ZFHX2: variants seen among roughly 807,000 people sequenced by gnomAD.
The protein encoded by ZFHX2 is zinc finger homeobox protein 2.
In ZFHX2, 75 loss-of-function variants were observed where a neutral mutation model predicts 164.8. That is an observed-to-expected ratio of 0.46 (90% CI 0.38 to 0.55). ZFHX2 has a LOEUF of 0.55. Among genes scored for constraint, ZFHX2 ranks in the 20% least tolerant of loss-of-function variants. The probability of loss-of-function intolerance (pLI) is 0.00; values close to 1 mark genes in which losing one functional copy is unlikely to be tolerated. For synonymous variants in ZFHX2, 1,217 were observed against 1,351.4 expected (o/e 0.90, Z 2.18); for missense variants, 2,933 against 3,308.0 (o/e 0.89, Z 2.78).
chr14:23,544,444 T>C (rs972876926), intron 1 of ZFHX2, among the ~76,000 whole-genome samples: 3 of 152,216 alleles, frequency 2.0e-5, no homozygotes, highest in African/African-American at 7.2e-5. Flanking sequence ...TGTTGTTTTT[T>C]GATTGTATGT....
intron 6 of ZFHX2, among the ~76,000 whole-genome samples, chr14:23,528,005 C>A (rs1286274414): frequency 6.7e-6 from 1 of 149,678 alleles, no homozygotes; most frequent in Non-Finnish European, 1.5e-5. Flanking sequence ...CTTCCAGGTT[C>A]AAGCAATTCT....
rs1595139477 is a variant in ZFHX2 at position 23,525,664 on chromosome 14, T to G, written c.4278A>C (p.Ser1426=). ...AKEGNEAGPS[S]PPDPLPNEAA... ...CCTCGTTGGGCAATGGGTCGGGGGGTGAGGAAGGCCCTGCCTCATTACCCT... is the reference window on the plus strand; with the variant it reads ...CCTCGTTGGGCAATGGGTCGGGGGGGGAGGAAGGCCCTGCCTCATTACCCT... The change falls in exon 9 of 10, where the codon TCA becomes TCC. Residue 1426 remains serine (S), a synonymous_variant. Coordinates refer to ENST00000419474, the MANE Select transcript of ZFHX2 (RefSeq NM_033400.3). This position sits in a 1 kb window ranked among gnomAD's most constrained non-coding sequence, Gnocchi z 5.9. The G allele has an allele frequency of 6.5e-7, 1 of 1,533,300 alleles. No individual in the cohort carries two copies. Among genetic ancestry groups the G allele is most frequent in the African/African-American group, 1.4e-5 (1 of 72,396 alleles). 95.0% of individuals were successfully genotyped at this position (1,533,300 alleles called of 1,614,324 possible).
At chr14:23,531,423 C>T (rs899701188) in intron 4 of ZFHX2, 58 bp downstream of exon 4, 25 of 1,352,240 alleles carry the variant, frequency 1.8e-5, no homozygotes, top group Admixed American at 3.2e-5. Context: ...CCCCCCTGCT[C>T]CCCACATCCT....
chr14:23,531,347 T>A (rs2138760258), intron 4 of ZFHX2, 134 bp downstream of exon 4: 2 of 1,253,940 alleles, frequency 1.6e-6, no homozygotes, highest in East Asian at 5.9e-5. Flanking sequence ...CCTTCGCAGC[T>A]TCTTCCCATT....
upstream of ZFHX2, among the ~76,000 whole-genome samples, chr14:23,553,757 G>T (rs1264677198): frequency 1.3e-5 from 2 of 152,106 alleles, no homozygotes; most frequent in Non-Finnish European, 2.9e-5. Context: ...AGCCGGGCAT[G>T]GTGGTGGGCA....
At position 23,522,611 on chromosome 14, in the gene ZFHX2, G is replaced by A; in HGVS notation, c.7070C>T (p.Ala2357Val). The A allele has an allele frequency of 3.3e-6, 5 of 1,532,422 alleles. No homozygotes were observed. The highest frequency in any genetic ancestry group is 3.5e-6 in the Non-Finnish European group (4 of 1,144,348). The allele number at this position is 1,532,422 out of a possible 1,614,324, so 94.9% of individuals were successfully genotyped here. A position where few individuals can be genotyped will look rare whatever the true frequency, so the allele number is the denominator to read the frequency against. The change falls in exon 10 of 10, where the codon GCA becomes GTA. Residue 2357 changes from alanine to valine, a missense_variant. Ala to Val is a moderately conservative substitution (Grantham distance 64). Coordinates refer to ENST00000419474, the MANE Select transcript of ZFHX2 (RefSeq NM_033400.3). ...CTGGGGGCCAAAGACAGCTGGCGGTGCTGTTCCCCCAGCAGGGGGCAATGG... is the reference window on the plus strand; with the variant it reads ...CTGGGGGCCAAAGACAGCTGGCGGTACTGTTCCCCCAGCAGGGGGCAATGG... ...PFPLPPAGGT[A>V]PPAVFGPQLQ... is the part of the protein sequence containing the mutation.
At chr14:23,555,149 G>A (rs1882258034), upstream of ZFHX2, among the ~76,000 whole-genome samples, 1 of 151,970 alleles carries the variant, frequency 6.6e-6, no homozygotes, top group African/African-American at 2.4e-5. Flanking sequence ...CACCATGCCC[G>A]GCTCATTTTT....
At position 23,535,073 on chromosome 14, in the gene ZFHX2, A is replaced by C. The variant is rs1879999305; in HGVS notation, c.253T>G (p.Phe85Val). The C allele has an allele frequency of 6.5e-7, 1 of 1,536,202 alleles. No individual in the cohort carries two copies. The highest frequency in any genetic ancestry group is 8.7e-7 in the Non-Finnish European group (1 of 1,146,896). The change falls in exon 2 of 10, where the codon TTC (phenylalanine) becomes GTC (valine). Residue 85 changes from phenylalanine (F) to valine (V), a missense_variant. Phe to Val is a conservative substitution (Grantham distance 50). Coordinates refer to ENST00000419474, the MANE Select transcript of ZFHX2 (RefSeq NM_033400.3). This position sits in a 1 kb window ranked among gnomAD's most constrained non-coding sequence, Gnocchi z 4.5. Reference sequence around the variant, plus strand: ...TCCACCCCTGGGTCATTTGGTGGGAAGTGACCACAGTCAGGCCCTTCCTGG... The same window carrying C: ...TCCACCCCTGGGTCATTTGGTGGGACGTGACCACAGTCAGGCCCTTCCTGG... Reference protein sequence around the residue: ...EPQEGPDCGHFPPNDPGVEKD... With the variant: ...EPQEGPDCGHVPPNDPGVEKD...
At position 23,533,678 on chromosome 14, in the gene ZFHX2, G is replaced by A. The variant is rs3742489; in HGVS notation, c.1648C>T (p.Pro550Ser). Residue 550 changes from proline to serine, a missense_variant, in exon 2 of 10, where the codon CCA becomes TCA. Transcript: ENST00000419474. The surrounding 1 kb of genome is among the most constrained non-coding windows in gnomAD (Gnocchi z 4.8). ...QAGPGGQGSP[P>S]EASLPPSAGD... is the part of the protein sequence containing the mutation. ...GCGGAGGGTGGGAGTGATGCCTCTG[G>A]TGGACTTCCCTGCCCACCAGGGCCC... 2 of 1,538,182 alleles carry A rather than the reference G, an allele frequency of 1.3e-6. No homozygotes were observed. Among genetic ancestry groups the A allele is most frequent in the East Asian group, 2.4e-5 (1 of 40,964 alleles).
In ZFHX2 at chr14:23,522,541, C is replaced by A. The variant is rs758290878; in HGVS notation, c.7140G>T (p.Gly2380=). 1 of 1,527,088 alleles carries A rather than the reference C, an allele frequency of 6.5e-7. No homozygotes were observed. Among genetic ancestry groups the A allele is most frequent in the Admixed American group, 2.0e-5 (1 of 50,184 alleles). The allele number at this position is 1,527,088 out of a possible 1,614,324, so 94.6% of individuals were successfully genotyped here. The change falls in exon 10 of 10, where the codon GGG becomes GGT. Residue 2380 remains glycine (G), a synonymous_variant. Transcript: ENST00000419474. ...YFQQLYGMKK[G]LFPMNPMIPQ... The stretch of plus-strand genomic sequence containing the variant: ...GTATCATGGGGTTCATGGGAAATAG[C>A]CCCTTCTTCATGCCATAGAGCTGTT...
At chr14:23,549,037 A>G (rs931036837) in intron 1 of ZFHX2, among the ~76,000 whole-genome samples, 2 of 151,680 alleles carry the variant, frequency 1.3e-5, no homozygotes, top group Admixed American at 1.3e-4. Context: ...CTCTCTTCCC[A>G]TCTCATCTTG....
Position 23,524,361 on chromosome 14 carries a change from G to T in ZFHX2, c.5581C>A (p.Arg1861Ser). Reference sequence around the variant, plus strand: ...AGCTGCTCAGGCAAGATGGTGGTGCGCAGGCGCTTGTCCCTGGGGGGCTCG... The same window carrying T: ...AGCTGCTCAGGCAAGATGGTGGTGCTCAGGCGCTTGTCCCTGGGGGGCTCG... ...EGEPPRDKRLRTTILPEQLEI... is the reference protein window; with the variant it reads ...EGEPPRDKRLSTTILPEQLEI... Residue 1861 changes from arginine (R) to serine (S), a missense_variant, in exon 9 of 10, where the codon CGC becomes AGC. Arg to Ser is a moderately radical substitution (Grantham distance 110). Transcript: ENST00000419474. This position sits in a 1 kb window ranked among gnomAD's most constrained non-coding sequence, Gnocchi z 5.6. 6.5e-7 allele frequency: 1 copy of T among 1,536,246 alleles called. No individual in the cohort carries two copies. Among genetic ancestry groups the T allele is most frequent in the Non-Finnish European group, 8.7e-7 (1 of 1,146,928 alleles).
At chr14:23,553,749 C>T (rs1882141710), upstream of ZFHX2, among the ~76,000 whole-genome samples, 1 of 151,992 alleles carries the variant, frequency 6.6e-6, no homozygotes, top group African/African-American at 2.4e-5. Context: ...AAAAAATTAG[C>T]CGGGCATGGT....
In ZFHX2 at chr14:23,534,071, A is replaced by AG; in HGVS notation, c.1254dup (p.Tyr419LeufsTer5). 6.6e-7 allele frequency: 1 copy of AG among 1,519,482 alleles called. No homozygotes were observed. The highest frequency in any genetic ancestry group is 8.8e-7 in the Non-Finnish European group (1 of 1,136,938). 94.1% of individuals were successfully genotyped at this position (1,519,482 alleles called of 1,614,324 possible). A position where few individuals can be genotyped will look rare whatever the true frequency, so the allele number is the denominator to read the frequency against. On this transcript the variant is annotated frameshift_variant, in exon 2 of 10. Coordinates refer to ENST00000419474, the MANE Select transcript of ZFHX2 (RefSeq NM_033400.3). LOFTEE classifies it high-confidence loss of function. This position sits in a 1 kb window ranked among gnomAD's most constrained non-coding sequence, Gnocchi z 4.5. The stretch of plus-strand genomic sequence containing the variant: ...GGGGTGTAGTCATCAGCTAGGCGAT[A>AG]GGGCTGGGGTGGGTCACTGGGGTCT...
chr14:23,528,184 C>T (rs1277351586), intron 6 of ZFHX2, among the ~76,000 whole-genome samples: 2 of 152,216 alleles, frequency 1.3e-5, no homozygotes, highest in Non-Finnish European at 2.9e-5. Context: ...GCTGGGATTA[C>T]AGGCGTGAGC....
intron 1 of ZFHX2, among the ~76,000 whole-genome samples, chr14:23,536,422 G>A (rs994704177): frequency 5.3e-5 from 8 of 152,166 alleles, no homozygotes; most frequent in Admixed American, 3.9e-4. Context: ...TCTCTCCAAT[G>A]CCTTCCAGAT....
rs753836694 is a variant in ZFHX2 at position 23,524,291 on chromosome 14, C to T, written c.5651G>A (p.Arg1884His). The T allele has an allele frequency of 1.7e-5, 26 of 1,536,200 alleles. 1 individual carries two copies. In the South Asian group the frequency reaches 3.0e-4, roughly 18 times the overall value. Residue 1884 changes from arginine (R) to histidine (H), a missense_variant, in exon 9 of 10, where the codon CGC becomes CAC. Coordinates refer to ENST00000419474, the MANE Select transcript of ZFHX2 (RefSeq NM_033400.3). This position sits in a 1 kb window ranked among gnomAD's most constrained non-coding sequence, Gnocchi z 5.6. ...RWYMQDSNPT[R>H]KMLDCISEEV... ...CTCGGAGATGCAGTCGAGCATCTTG[C>T]GTGTTGGGTTGGAATCCTGCATGTA...
chr14:23,536,336 C>T (rs770594080), intron 1 of ZFHX2, among the ~76,000 whole-genome samples: 2 of 152,124 alleles, frequency 1.3e-5, no homozygotes, highest in South Asian at 2.1e-4. Flanking sequence ...TTTTCCATAC[C>T]CTGACGAGGT....
chr14:23,524,982 C>A lies in ZFHX2; in HGVS notation c.4960G>T (p.Ala1654Ser). 6.5e-7 allele frequency: 1 copy of A among 1,536,244 alleles called. No homozygotes were observed. Among genetic ancestry groups the A allele is most frequent in the Non-Finnish European group, 8.7e-7 (1 of 1,146,928 alleles). The change falls in exon 9 of 10, where the codon GCC becomes TCC. Residue 1654 changes from alanine (A) to serine (S), a missense_variant. Physicochemically the swap from Ala to Ser is moderately conservative, Grantham distance 99. Transcript: ENST00000419474. This position sits in a 1 kb window ranked among gnomAD's most constrained non-coding sequence, Gnocchi z 5.6. ...QNARQKARKNACEGGSMPTGG... is the reference protein window; with the variant it reads ...QNARQKARKNSCEGGSMPTGG... Reference sequence around the variant, plus strand: ...GTTGGCATGGACCCACCCTCACAGGCATTTTTGCGTGCTTTCTGGCGGGCA... The same window carrying A: ...GTTGGCATGGACCCACCCTCACAGGAATTTTTGCGTGCTTTCTGGCGGGCA...
Sources: allele counts gnomAD v4.1 joint callset (sites outside exome capture counted in the v4.1 genomes callset), GRCh38; gene constraint gnomAD v4.1.1; non-coding constraint Gnocchi (gnomAD v3.1); transcripts MANE v1.5; gene names NCBI Gene and HGNC (gene_info 2026-07-23, HGNC 2026-07-21).